The following COL5A1 variants were observed in gnomAD, a reference collection of about 807,000 sequenced individuals.
COL5A1 encodes collagen type V alpha 1 chain.
COL5A1 carries 16 observed loss-of-function variants against 263.7 expected under a neutral mutation model. The ratio of observed to expected loss-of-function variants is 0.06; its 90% CI spans 0.04 to 0.09. COL5A1 has a LOEUF of 0.09. Among genes scored for constraint, COL5A1 ranks in the 10% least tolerant of loss-of-function variants. The pLI, the probability that COL5A1 is intolerant of heterozygous loss-of-function variation, is 1.00. For synonymous variants in COL5A1, 1,012 were observed against 1,004.5 expected, an observed-to-expected ratio of 1.01 and a Z score of -0.14; for missense variants, 2,036 against 2,540.5, an observed-to-expected ratio of 0.80 and a Z score of 4.27.
chr9:134,688,102 A>G (rs1450745000), intron 1 of COL5A1, among the ~76,000 whole-genome samples: 2 of 152,124 alleles, frequency 1.3e-5, no homozygotes, highest in Non-Finnish European at 2.9e-5. Flanking sequence ...CTGGCACAGG[A>G]AGCCCCTGGC....
intron 27 of COL5A1, among the ~76,000 whole-genome samples, chr9:134,779,544 G>A (rs1181639235): frequency 2.6e-5 from 4 of 152,168 alleles, no homozygotes; most frequent in Non-Finnish European, 5.9e-5. Flanking sequence ...GCTGTGTGCT[G>A]GGTGCTAGGT....
At position 134,647,742 on chromosome 9, in the gene COL5A1, G is replaced by A. The variant is rs1019448397; in HGVS notation, c.109+5446G>A. The stretch of plus-strand genomic sequence containing the variant: ...CAATTTCATGTCTTTTTAAACTCCC[G>A]GGAGGGCGATGTTACATTATGGCTC... On this transcript the variant is annotated intron_variant, in intron 1 of 65. Coordinates refer to ENST00000371817, the MANE Select transcript of COL5A1 (RefSeq NM_000093.5). The surrounding 1 kb of genome is among the most constrained non-coding windows in gnomAD (Gnocchi z 5.0). Among the ~76,000 whole-genome samples, 5 of 152,152 alleles carry A rather than the reference G, an allele frequency of 3.3e-5. No homozygotes were observed. The highest frequency in any genetic ancestry group is 7.3e-5 in the Non-Finnish European group (5 of 68,028).
Position 134,765,840 on chromosome 9 carries a change from C to G in COL5A1, c.2088+106C>G. The stretch of plus-strand genomic sequence containing the variant: ...ACTGGGGCAGCAAGTCCGTGCTGGC[C>G]CCTCTGGCGCCTGCCTGCTGCCAGT... On this transcript the variant is annotated intron_variant, in intron 21 of 65. Coordinates refer to ENST00000371817, the MANE Select transcript of COL5A1 (RefSeq NM_000093.5). The surrounding 1 kb of genome is among the most constrained non-coding windows in gnomAD (Gnocchi z 5.1). 1.1e-6 allele frequency: 1 copy of G among 877,254 alleles called. No individual in the cohort carries two copies. Among genetic ancestry groups the G allele is most frequent in the Middle Eastern group, 3.6e-4 (1 of 2,802 alleles). The allele number at this position is 877,254 out of a possible 1,614,324, so 54.3% of individuals were successfully genotyped here. A position where few individuals can be genotyped will look rare whatever the true frequency, so the allele number is the denominator to read the frequency against.
intron 43 of COL5A1, 46 bp from the exon 44 acceptor site, chr9:134,810,209 A>T (rs892543672): frequency 6.2e-7 from 1 of 1,604,026 alleles, no homozygotes; most frequent in Non-Finnish European, 8.5e-7. Context: ...AAAAGGTCCA[A>T]ACGGTTGTCA....
rs1564428897 is a variant in COL5A1 at position 134,747,961 on chromosome 9, G to GCATTCA, written c.1495-2579_1495-2578insTTCACA. Among the ~76,000 whole-genome samples the GCATTCA allele has an allele frequency of 3.7e-3, 419 of 112,204 alleles. 10 individuals carry two copies. The highest frequency in any genetic ancestry group is 6.8e-3 in the Admixed American group (77 of 11,370). The allele number at this position is 112,204 out of a possible 152,430, so 73.6% of individuals were successfully genotyped here. A position where few individuals can be genotyped will look rare whatever the true frequency, so the allele number is the denominator to read the frequency against. On this transcript the variant is annotated intron_variant, in intron 11 of 65. Coordinates refer to ENST00000371817, the MANE Select transcript of COL5A1 (RefSeq NM_000093.5). ...TGCATTCATACACATGCAGACACATGCACACATGCATTCACACACACATGC... is the reference window on the plus strand; with the variant it reads ...TGCATTCATACACATGCAGACACATGCATTCACACACATGCATTCACACACACATGC...
At chr9:134,731,420 C>A in intron 7 of COL5A1, 76 bp from the exon 8 acceptor site, 3 of 1,485,696 alleles carry the variant, frequency 2.0e-6, no homozygotes, top group Non-Finnish European at 2.8e-6. Flanking sequence ...AGCCACAGTG[C>A]CCGCCCAGGG....
chr9:134,746,123 C>T (rs544936201), intron 11 of COL5A1, among the ~76,000 whole-genome samples: 30 of 152,314 alleles, frequency 2.0e-4, no homozygotes, highest in Admixed American at 9.8e-4. Context: ...TTCAGCCCAC[C>T]GCGCGTGGTC....
chr9:134,683,859 TC>T (rs1832933913), intron 1 of COL5A1, among the ~76,000 whole-genome samples: 1 of 152,176 alleles, frequency 6.6e-6, no homozygotes, highest in African/African-American at 2.4e-5. Flanking sequence ...GAAGACCCGT[TC>T]CCCACTGGGG....
At chr9:134,760,751 CA>C (rs201081445) in intron 18 of COL5A1, among the ~76,000 whole-genome samples, 23 of 138,130 alleles carry the variant, frequency 1.7e-4, no homozygotes, top group Admixed American at 1.4e-3. Context: ...CATGCACACA[CA>C]CCCCACACAT....
intron 65 of COL5A1, among the ~76,000 whole-genome samples, chr9:134,840,109 T>G (rs1336483976): frequency 6.6e-6 from 1 of 152,270 alleles, no homozygotes; most frequent in Non-Finnish European, 1.5e-5. Flanking sequence ...ACACCCATTT[T>G]TTAAAATGCA....
chr9:134,691,418 T>G (rs1224506212), intron 2 of COL5A1, among the ~76,000 whole-genome samples: 1 of 152,190 alleles, frequency 6.6e-6, no homozygotes, highest in Non-Finnish European at 1.5e-5. Flanking sequence ...TCCTGAGGGA[T>G]GAGGTTGAGA....
rs1390479596 is a variant in COL5A1, at chr9:134,842,578, G to A, written c.*275G>A. The A allele has an allele frequency of 7.2e-6, 4 of 556,720 alleles. No homozygotes were observed. Among genetic ancestry groups the A allele is most frequent in the Non-Finnish European group, 1.3e-5 (4 of 309,662 alleles). 34.5% of individuals were successfully genotyped at this position (556,720 alleles called of 1,614,324 possible). A position where few individuals can be genotyped will look rare whatever the true frequency, so the allele number is the denominator to read the frequency against. On this transcript the variant is annotated 3_prime_UTR_variant, in exon 66 of 66. Coordinates refer to ENST00000371817, the MANE Select transcript of COL5A1 (RefSeq NM_000093.5). This position sits in a 1 kb window ranked among gnomAD's most constrained non-coding sequence, Gnocchi z 5.8. ...CGCTCTGTCCACACCCACGCGCCCC[G>A]GGAGCGGGGCCATGCCTCCAGCCCC...
chr9:134,842,613 C>A lies in COL5A1; in HGVS notation c.*310C>A. The A allele has an allele frequency of 3.9e-6, 2 of 518,432 alleles. No individual in the cohort carries two copies. Among genetic ancestry groups the A allele is most frequent in the Non-Finnish European group, 7.0e-6 (2 of 286,644 alleles). The allele number at this position is 518,432 out of a possible 1,614,324, so 32.1% of individuals were successfully genotyped here. A position where few individuals can be genotyped will look rare whatever the true frequency, so the allele number is the denominator to read the frequency against. On this transcript the variant is annotated 3_prime_UTR_variant, in exon 66 of 66. Coordinates refer to ENST00000371817, the MANE Select transcript of COL5A1 (RefSeq NM_000093.5). The surrounding 1 kb of genome is among the most constrained non-coding windows in gnomAD (Gnocchi z 5.8). ...CCATGCCTCCAGCCCCCCAGCTCGCCCGACCCATCCTGTTCGTGAATAGGT... is the reference window on the plus strand; with the variant it reads ...CCATGCCTCCAGCCCCCCAGCTCGCACGACCCATCCTGTTCGTGAATAGGT...
At chr9:134,656,097 T>C (rs1831961827) in intron 1 of COL5A1, among the ~76,000 whole-genome samples, 1 of 152,122 alleles carries the variant, frequency 6.6e-6, no homozygotes, top group Non-Finnish European at 1.5e-5. Context: ...GCTTGGAGCC[T>C]GGGACCCTCA....
At chr9:134,688,502 T>G (rs1833157499) in intron 1 of COL5A1, among the ~76,000 whole-genome samples, 1 of 152,132 alleles carries the variant, frequency 6.6e-6, no homozygotes, top group African/African-American at 2.4e-5. Context: ...GCGTTTCTTC[T>G]CAAGTCAAAG....
intron 38 of COL5A1, among the ~76,000 whole-genome samples, chr9:134,802,373 G>A (rs1294659756): frequency 6.6e-6 from 1 of 152,186 alleles, no homozygotes; most frequent in Non-Finnish European, 1.5e-5. Context: ...GATTCTAACC[G>A]CAGACCAGTG....
At chr9:134,760,398 C>A (rs202209824) in intron 18 of COL5A1, among the ~76,000 whole-genome samples, 3 of 94,366 alleles carry the variant, frequency 3.2e-5, no homozygotes, top group African/African-American at 1.2e-4. Context: ...ACCCCCACAC[C>A]CCCACACTCA....
At chr9:134,687,122 C>T (rs146677495) in intron 1 of COL5A1, among the ~76,000 whole-genome samples, 11 of 152,228 alleles carry the variant, frequency 7.2e-5, no homozygotes, top group East Asian at 3.9e-4. Flanking sequence ...GGTCCCAGGC[C>T]GTGGCATGCG....
Position 134,690,925 on chromosome 9 carries a change from T to C in COL5A1, c.123T>C (p.Asp41=). ...PPPSRAAQPA[D]LLKVLDFHNL... is the part of the protein sequence containing the mutation. ...CTGTCATTTCAGCTCAGCCAGCAGA[T>C]CTCCTGAAGGTTCTAGATTTTCACA... Residue 41 remains aspartate (D), a synonymous_variant, in exon 2 of 66, where the codon GAT becomes GAC. Transcript: ENST00000371817. 3 of 1,613,734 alleles carry C rather than the reference T, an allele frequency of 1.9e-6. No homozygotes were observed. Among genetic ancestry groups the C allele is most frequent in the Non-Finnish European group, 2.5e-6 (3 of 1,180,036 alleles).
Sources: allele counts gnomAD v4.1 joint callset (sites outside exome capture counted in the v4.1 genomes callset), GRCh38; gene constraint gnomAD v4.1.1; non-coding constraint Gnocchi (gnomAD v3.1); transcripts MANE v1.5; gene names NCBI Gene and HGNC (gene_info 2026-07-23, HGNC 2026-07-21).